The following IL1RAPL1 variants were observed in gnomAD, a reference collection of about 807,000 sequenced individuals.
IL1RAPL1 encodes the protein interleukin-1 receptor accessory protein-like 1.
Under a neutral mutation model 48.4 loss-of-function variants are expected in IL1RAPL1, and 3 were observed. The observed-to-expected ratio is 0.06, with a 90% CI of 0.03 to 0.16. The LOEUF is 0.16. Among genes scored for constraint, IL1RAPL1 ranks in the 10% least tolerant of loss-of-function variants. The probability of loss-of-function intolerance (pLI) is 1.00; values close to 1 mark genes in which losing one functional copy is unlikely to be tolerated. For synonymous variants in IL1RAPL1, 185 were observed against 187.7 expected, an observed-to-expected ratio of 0.99 and a Z score of 0.12; for missense variants, 349 against 530.6, an observed-to-expected ratio of 0.66 and a Z score of 3.36.
intron 3 of IL1RAPL1, among the ~76,000 whole-genome samples, chrX:29,347,982 C>G (rs1933174061): frequency 9.0e-6 from 1 of 111,698 alleles, no homozygotes; most frequent in South Asian, 3.8e-4. Flanking sequence ...GATTTCATCA[C>G]AATACTCAGA....
intron 3 of IL1RAPL1, among the ~76,000 whole-genome samples, chrX:29,335,011 C>T (rs1371848071): frequency 1.8e-5 from 2 of 110,927 alleles, no homozygotes; most frequent in African/African-American, 6.6e-5. Context: ...AACGAGACTC[C>T]GTCTGCAATC....
At chrX:28,797,366 A>C (rs1936625585) in intron 2 of IL1RAPL1, among the ~76,000 whole-genome samples, 1 of 111,623 alleles carries the variant, frequency 9.0e-6, no homozygotes, top group Admixed American at 9.5e-5. Flanking sequence ...TCAGGCTGCA[A>C]ATTTTCCAAA....
At chrX:29,208,686 G>A (rs1404796756) in intron 2 of IL1RAPL1, among the ~76,000 whole-genome samples, 1 of 106,633 alleles carries the variant, frequency 9.4e-6, no homozygotes, top group Admixed American at 1.0e-4. Context: ...ACTCCAGCCT[G>A]GGTGACAGAG....
intron 1 of IL1RAPL1, among the ~76,000 whole-genome samples, chrX:28,779,282 T>G (rs1569170676): frequency 9.0e-6 from 1 of 110,845 alleles, no homozygotes; most frequent in Non-Finnish European, 1.9e-5. Flanking sequence ...TCCCCTAAGA[T>G]GGGTAGTTTC....
chrX:29,690,982 A>AAC (rs34324600), intron 6 of IL1RAPL1, among the ~76,000 whole-genome samples: 41,965 of 110,336 alleles, frequency 0.38, 5,898 homozygotes, highest in South Asian at 0.5. Context: ...CATTTTAAAT[A>AAC]ACAGAATATG....
chrX:28,836,363 TGACAG>T (rs1158563409), intron 2 of IL1RAPL1, among the ~76,000 whole-genome samples: 1 of 72,186 alleles, frequency 1.4e-5, no homozygotes, highest in African/African-American at 1.2e-4. Context: ...TATATATATA[TGACAG>T]AGAGAGAGAG....
chrX:28,600,890 C>T (rs1934017212), intron 1 of IL1RAPL1, among the ~76,000 whole-genome samples: 1 of 111,848 alleles, frequency 8.9e-6, no homozygotes, highest in Non-Finnish European at 1.9e-5. Flanking sequence ...TAATTTCCTT[C>T]CTTAATGCAA....
intron 5 of IL1RAPL1, among the ~76,000 whole-genome samples, chrX:29,550,822 T>C (rs1569336684): frequency 8.9e-6 from 1 of 112,088 alleles, no homozygotes; most frequent in Non-Finnish European, 1.9e-5. Flanking sequence ...TTTACTGTGG[T>C]AAATAATCGC....
chrX:29,350,221 A>ATATATATATATATATATATATG (rs1287501994), intron 3 of IL1RAPL1, among the ~76,000 whole-genome samples: 1 of 77,771 alleles, frequency 1.3e-5, no homozygotes, highest in Non-Finnish European at 2.2e-5. Context: ...ATATATATAT[A>ATATATATATATATATATATATG]TATGCTAAAA....
At chrX:28,724,990 C>A (rs1298919715) in intron 1 of IL1RAPL1, among the ~76,000 whole-genome samples, 3 of 101,589 alleles carry the variant, frequency 3.0e-5, no homozygotes, top group Non-Finnish European at 6.0e-5. Context: ...CTCACTCTGT[C>A]CCCCAGGCTG....
At chrX:29,660,194 CA>C (rs57554477) in intron 5 of IL1RAPL1, among the ~76,000 whole-genome samples, 9,150 of 111,721 alleles carry the variant, frequency 0.082, 307 homozygotes, top group Middle Eastern at 0.19. Flanking sequence ...TTGAGGATTA[CA>C]ATTCGACATG....
At chrX:29,574,827 T>C (rs1384247074) in intron 5 of IL1RAPL1, among the ~76,000 whole-genome samples, 1 of 111,795 alleles carries the variant, frequency 8.9e-6, no homozygotes, top group East Asian at 2.8e-4. Context: ...CTTAGAAATT[T>C]CTTCCACCAG....
intron 6 of IL1RAPL1, among the ~76,000 whole-genome samples, chrX:29,790,408 G>T (rs1395221066): frequency 9.0e-6 from 1 of 111,399 alleles, no homozygotes; most frequent in Non-Finnish European, 1.9e-5. Flanking sequence ...AAATCATCTT[G>T]AATCTTTATA....
chrX:29,907,551 G>A (rs1193648096), intron 6 of IL1RAPL1, among the ~76,000 whole-genome samples: 1 of 111,583 alleles, frequency 9.0e-6, no homozygotes, highest in Admixed American at 9.6e-5. Flanking sequence ...ATTGCCTGGA[G>A]TTAAATCTGG....
chrX:29,313,494 G>A (rs181259098), intron 3 of IL1RAPL1, among the ~76,000 whole-genome samples: 1 of 111,498 alleles, frequency 9.0e-6, no homozygotes, highest in Admixed American at 9.5e-5. Context: ...ATGTTCTATG[G>A]CCATTAGAGT....
At chrX:29,249,000 A>G (rs952682977) in intron 2 of IL1RAPL1, among the ~76,000 whole-genome samples, 3 of 111,707 alleles carry the variant, frequency 2.7e-5, no homozygotes, top group African/African-American at 9.8e-5. Flanking sequence ...TATGGAAAGA[A>G]GTTGAAAAGG....
At chrX:29,739,169 G>A (rs113029651) in intron 6 of IL1RAPL1, among the ~76,000 whole-genome samples, 11 of 112,307 alleles carry the variant, frequency 9.8e-5, no homozygotes, top group Admixed American at 2.8e-4. Context: ...TCAGTCCCAC[G>A]TCTGGCTCTA....
At chrX:29,562,740 C>A (rs3813179) in intron 5 of IL1RAPL1, among the ~76,000 whole-genome samples, 13 of 110,982 alleles carry the variant, frequency 1.2e-4, no homozygotes, top group African/African-American at 4.3e-4. Flanking sequence ...CTATTTCCGT[C>A]CTAAAACTCT....
intron 2 of IL1RAPL1, among the ~76,000 whole-genome samples, chrX:28,815,296 G>C (rs1162305194): frequency 7.3e-5 from 8 of 109,682 alleles, no homozygotes; most frequent in Non-Finnish European, 1.5e-4. Flanking sequence ...TATAATTTCA[G>C]TGAATAATGA....
Sources: allele counts gnomAD v4.1 joint callset (sites outside exome capture counted in the v4.1 genomes callset), GRCh38; gene constraint gnomAD v4.1.1; transcripts MANE v1.5; gene names NCBI Gene and HGNC (gene_info 2026-07-23, HGNC 2026-07-21).